CNR1: variants seen among roughly 807,000 people sequenced by gnomAD.
The protein encoded by CNR1 is cannabinoid receptor 1.
In CNR1, 10 loss-of-function variants were observed where a neutral mutation model predicts 23.0. The observed-to-expected ratio is 0.43, with a 90% confidence interval of 0.27 to 0.74. The LOEUF (loss-of-function observed/expected upper bound fraction) is 0.74. CNR1 is among the 30% of genes least tolerant of loss of function. The probability of loss-of-function intolerance (pLI) is 0.19; values close to 1 mark genes in which losing one functional copy is unlikely to be tolerated. For synonymous variants in CNR1, 271 were observed against 255.2 expected (o/e 1.06, Z -0.59); for missense variants, 422 against 618.8 (o/e 0.68, Z 3.37).
chr6:88,158,070 G>A (rs1264262662), intron 1 of CNR1, among the ~76,000 whole-genome samples: 1 of 152,170 alleles, frequency 6.6e-6, no homozygotes, highest in Non-Finnish European at 1.5e-5. Context: ...TTTTCAGTGT[G>A]TGCTAACAAT....
chr6:88,146,850 A>G (rs935646807), intron 1 of CNR1, among the ~76,000 whole-genome samples: 1 of 152,214 alleles, frequency 6.6e-6, no homozygotes, highest in Non-Finnish European at 1.5e-5. Flanking sequence ...TGTTGAACTA[A>G]CAATAAATGA....
chr6:88,147,361 C>G (rs189732674), intron 1 of CNR1, among the ~76,000 whole-genome samples: 97 of 152,220 alleles, frequency 6.4e-4, no homozygotes, highest in African/African-American at 2.2e-3. Context: ...AGGAGGCAGA[C>G]AGCTGACTCA....
At chr6:88,161,544 T>G (rs1193269027) in intron 1 of CNR1, among the ~76,000 whole-genome samples, 1 of 152,244 alleles carries the variant, frequency 6.6e-6, no homozygotes, top group Non-Finnish European at 1.5e-5. Context: ...CTAACTGTCC[T>G]CTAAACTATT....
Position 88,143,792 on chromosome 6 carries a change from C to A in CNR1, c.*64G>T, listed in dbSNP as rs1239826313. 1.0e-5 allele frequency: 12 copies of A among 1,193,636 alleles called. No homozygotes were observed. Among genetic ancestry groups the A allele is most frequent in the Non-Finnish European group, 1.4e-5 (12 of 831,978 alleles). The allele number at this position is 1,193,636 out of a possible 1,614,324, so 73.9% of individuals were successfully genotyped here. A position where few individuals can be genotyped will look rare whatever the true frequency, so the allele number is the denominator to read the frequency against. On this transcript the variant is annotated 3_prime_UTR_variant, in exon 2 of 2. Transcript: ENST00000369501. ...AAAATATAACCAAGGAGACAATAGA[C>A]TCTTCTAGATTTTGAGCTTAAAAAA...
intron 1 of CNR1, among the ~76,000 whole-genome samples, chr6:88,152,679 C>T (rs973657902): frequency 2.0e-5 from 3 of 152,184 alleles, no homozygotes; most frequent in African/African-American, 7.2e-5. Context: ...CGAAATACTA[C>T]TGTGCACAGG....
upstream of CNR1, among the ~76,000 whole-genome samples, chr6:88,167,034 T>C (rs1403562567): frequency 2.0e-4 from 30 of 151,020 alleles, no homozygotes; most frequent in East Asian, 2.0e-4. Flanking sequence ...CCAGGCGCCT[T>C]CTCCAGCGCC....
chr6:88,156,537 T>C (rs1777808835), intron 1 of CNR1, among the ~76,000 whole-genome samples: 1 of 152,238 alleles, frequency 6.6e-6, no homozygotes, highest in South Asian at 2.1e-4. Flanking sequence ...TATTTAATCA[T>C]CAGATAGTAC....
intron 1 of CNR1, among the ~76,000 whole-genome samples, chr6:88,151,031 T>C (rs1389652472): frequency 1.3e-5 from 2 of 152,336 alleles, no homozygotes; most frequent in East Asian, 3.9e-4. Context: ...TTTCCTCTTT[T>C]AAGCATATAG....
At position 88,165,894 on chromosome 6, in the gene CNR1, C is replaced by T. The variant is rs1280161428; in HGVS notation, c.-155G>A. The T allele has an allele frequency of 6.6e-6, 1 of 152,548 alleles. No individual in the cohort carries two copies. The highest frequency in any genetic ancestry group is 1.5e-5 in the Non-Finnish European group (1 of 68,210). 9.4% of individuals were successfully genotyped at this position (152,548 alleles called of 1,614,324 possible). On this transcript the variant is annotated 5_prime_UTR_variant, in exon 1 of 2. Transcript: ENST00000369501. ...TTGTCCGCTAGAACGAAATATCCCC[C>T]ACTGACTACGGAGAGCTCTGCAGGG...
chr6:88,144,218 T>G lies in CNR1; in HGVS notation c.1057A>C (p.Ile353Leu). The G allele has an allele frequency of 6.2e-7, 1 of 1,612,194 alleles. No individual in the cohort carries two copies. The highest frequency in any genetic ancestry group is 8.5e-7 in the Non-Finnish European group (1 of 1,179,974). The change falls in exon 2 of 2, where the codon ATC (isoleucine) becomes CTC (leucine). Residue 353 changes from isoleucine (I) to leucine (L), a missense_variant. By Grantham distance (5) the Ile-to-Leu change is conservative. This residue lies in a region of CNR1 where 211 missense variants were observed against 357.3 expected (regional missense o/e 0.59). Transcript: ENST00000369501. The surrounding 1 kb of genome is among the most constrained non-coding windows in gnomAD (Gnocchi z 7.8). Reference protein sequence around the residue: ...KTLVLILVVLIICWGPLLAIM... With the variant: ...KTLVLILVVLLICWGPLLAIM... Reference sequence around the variant, plus strand: ...GCAAGCAGAGGGCCCCAGCAGATGATCAACACCACCAGGATCAGGACCAGG... The same window carrying G: ...GCAAGCAGAGGGCCCCAGCAGATGAGCAACACCACCAGGATCAGGACCAGG...
chr6:88,147,601 T>C (rs806374), intron 1 of CNR1: 56,532 of 152,040 alleles, frequency 0.37, 10,715 homozygotes, highest in East Asian at 0.51. Flanking sequence ...GCATAAAGTG[T>C]TAAATGTGGC....
At chr6:88,157,824 T>C (rs961952318) in intron 1 of CNR1, among the ~76,000 whole-genome samples, 11 of 152,298 alleles carry the variant, frequency 7.2e-5, no homozygotes, top group African/African-American at 2.4e-4. Flanking sequence ...TTAATCTCTA[T>C]TATTGTAGGG....
Position 88,143,433 on chromosome 6 carries a change from T to C in CNR1, c.*423A>G, listed in dbSNP as rs1019064263. 1.2e-5 allele frequency: 2 copies of C among 172,188 alleles called. No homozygotes were observed. Among genetic ancestry groups the C allele is most frequent in the Non-Finnish European group, 2.5e-5 (2 of 79,748 alleles). The allele number at this position is 172,188 out of a possible 1,614,324, so 10.7% of individuals were successfully genotyped here. A position where few individuals can be genotyped will look rare whatever the true frequency, so the allele number is the denominator to read the frequency against. ...ACATCTCACAGGACATAATACATTT[T>C]ACAAAATATCTCTAGTACTATAACT... On this transcript the variant is annotated 3_prime_UTR_variant, in exon 2 of 2. Coordinates refer to ENST00000369501, the MANE Select transcript of CNR1 (RefSeq NM_016083.6).
intron 1 of CNR1, 32 bp downstream of exon 1, chr6:88,165,771 G>A (rs1283289585): frequency 6.6e-6 from 1 of 152,558 alleles, no homozygotes; most frequent in Admixed American, 6.5e-5. Flanking sequence ...GGCGGAAAAA[G>A]TATTTCCAAA....
At position 88,145,373 on chromosome 6, in the gene CNR1, G is replaced by A. The variant is rs1040858031; in HGVS notation, c.-63-36C>T. On this transcript the variant is annotated intron_variant, in intron 1 of 1. Transcript: ENST00000369501. ...GGAAAACAAATAAGCCGAATGGTGA[G>A]AAACAGGAAGAATAAAAACAAAGAG... 15 of 924,952 alleles carry A rather than the reference G, an allele frequency of 1.6e-5. No individual in the cohort carries two copies. The African/African-American group carries it at 2.3e-4, about 14-fold the overall frequency. 57.3% of individuals were successfully genotyped at this position (924,952 alleles called of 1,614,324 possible).
At chr6:88,146,114 T>C (rs969586094) in intron 1 of CNR1, among the ~76,000 whole-genome samples, 4 of 152,200 alleles carry the variant, frequency 2.6e-5, no homozygotes, top group East Asian at 3.9e-4. Flanking sequence ...TTTCTTTCTT[T>C]CTTTCTTTTT....
Position 88,144,747 on chromosome 6 carries a change from G to A in CNR1, c.528C>T (p.Asp176=), listed in dbSNP as rs1777057056. The A allele has an allele frequency of 6.2e-7, 1 of 1,614,198 alleles. No homozygotes were observed. Among genetic ancestry groups the A allele is most frequent in the East Asian group, 2.2e-5 (1 of 44,884 alleles). Residue 176 remains aspartate, a synonymous_variant, in exon 2 of 2, where the codon GAC becomes GAT. Transcript: ENST00000369501. The surrounding 1 kb of genome is among the most constrained non-coding windows in gnomAD (Gnocchi z 7.8). ...GSVIFVYSFI[D]FHVFHRKDSR... ...TATCTTTGCGGTGGAACACGTGGAA[G>A]TCAATGAAGCTGTAGACAAAAATGA...
chr6:88,159,464 C>T (rs770101203), intron 1 of CNR1, among the ~76,000 whole-genome samples: 1 of 152,178 alleles, frequency 6.6e-6, no homozygotes, highest in African/African-American at 2.4e-5. Context: ...TCCCAAGGCA[C>T]TTAAATATAT....
intron 1 of CNR1, among the ~76,000 whole-genome samples, chr6:88,164,945 C>T (rs1036752381): frequency 6.6e-6 from 1 of 152,094 alleles, no homozygotes; most frequent in Non-Finnish European, 1.5e-5. Flanking sequence ...CCCGAGGAGG[C>T]TTACTATATC....
Sources: gnomAD v4.1 joint callset for allele counts (sites outside exome capture counted in the v4.1 genomes callset) on GRCh38, gnomAD v4.1.1 for gene constraint, gnomAD v4.1.1 regional missense constraint, Gnocchi (gnomAD v3.1) non-coding constraint, MANE v1.5 for transcripts, NCBI Gene and HGNC (gene_info 2026-07-23, HGNC 2026-07-21) for gene names.